Variants in VPS26B observed in about 807,000 individuals in gnomAD.
The protein encoded by VPS26B is VPS26 retromer complex component B, also known as vacuolar protein sorting-associated protein 26B.
A neutral mutation model predicts 33.3 loss-of-function variants in VPS26B; 10 were observed. The ratio of observed to expected loss-of-function variants is 0.30; its 90% CI spans 0.19 to 0.51. VPS26B has a LOEUF of 0.51. Ranked by LOEUF, VPS26B falls within the 20% of genes least tolerant of loss-of-function variation. VPS26B has a pLI of 0.98. For synonymous variants in VPS26B, 190 were observed against 176.9 expected, an observed-to-expected ratio of 1.07 and a Z score of -0.59; for missense variants, 317 against 452.7, an observed-to-expected ratio of 0.70 and a Z score of 2.72.
At chr11:134,239,955 G>A in intron 2 of VPS26B, 36 bp from the exon 3 acceptor site, 1 of 1,613,430 alleles carries the variant, frequency 6.2e-7, no homozygotes, top group Non-Finnish European at 8.5e-7. Context: ...TCTGGAGACT[G>A]GGAGTGTTTA....
chr11:134,238,582 T>G (rs1328527969), intron 2 of VPS26B, among the ~76,000 whole-genome samples: 2 of 152,082 alleles, frequency 1.3e-5, no homozygotes, highest in African/African-American at 2.4e-5. Context: ...CTTTATGTAT[T>G]TATTTATTTA....
Position 134,245,035 on chromosome 11 carries a change from C to T in VPS26B, c.819C>T (p.Asn273=). The T allele has an allele frequency of 1.2e-6, 2 of 1,614,184 alleles. No individual in the cohort carries two copies. The highest frequency in any genetic ancestry group is 1.7e-6 in the Non-Finnish European group (2 of 1,180,044). ...AGTTCTCTGTGCGCTATTACCTCAA[C>T]CTGGTGCTGATAGACGAGGAGGAGC... ...NKKFSVRYYL[N]LVLIDEEERR... Residue 273 remains asparagine (N), a synonymous_variant, in exon 5 of 6, where the codon AAC becomes AAT. Transcript: ENST00000281187. The surrounding 1 kb of genome is among the most constrained non-coding windows in gnomAD (Gnocchi z 4.7).
chr11:134,243,008 TG>T, intron 3 of VPS26B, 110 bp from the exon 4 acceptor site: 1 of 1,066,322 alleles, frequency 9.4e-7, no homozygotes, highest in Non-Finnish European at 1.4e-6. Context: ...GAGTGTGTCC[TG>T]CAACTGGACG....
chr11:134,240,878 G>A lies in VPS26B; in HGVS notation c.545+723G>A, dbSNP rs1003364225. 2.0e-5 allele frequency among the ~76,000 whole-genome samples: 3 copies of A among 151,366 alleles called. No homozygotes were observed. The highest frequency in any genetic ancestry group is 6.6e-5 in the Admixed American group (1 of 15,166). On this transcript the variant is annotated intron_variant, in intron 3 of 5. Transcript: ENST00000281187. The surrounding 1 kb of genome is among the most constrained non-coding windows in gnomAD (Gnocchi z 4.4). ...AGGCTGGTCTTGAACTACTGAGCTC[G>A]TGATCTGCCTGCCTTGGCTTCCCAC... is the stretch of plus-strand genomic sequence containing the variant.
intron 4 of VPS26B, 169 bp downstream of exon 4, chr11:134,243,463 G>T (rs75614673): frequency 1.4e-4 from 111 of 785,980 alleles, no homozygotes; most frequent in Admixed American, 4.1e-4. Flanking sequence ...GAAAAGGAAG[G>T]CTGAGTGTGT....
At chr11:134,234,191 T>C (rs1011702733) in intron 1 of VPS26B, among the ~76,000 whole-genome samples, 1 of 152,364 alleles carries the variant, frequency 6.6e-6, no homozygotes, top group Admixed American at 6.5e-5. Context: ...CCATGTTCGA[T>C]TGGCCACATG....
In VPS26B at chr11:134,225,074, C is replaced by T. The variant is rs1047491730; in HGVS notation, c.-49C>T. On this transcript the variant is annotated 5_prime_UTR_variant, in exon 1 of 6. Transcript: ENST00000281187. Reference sequence around the variant, plus strand: ...TCTTTACCTAGGGCAGCCCGCGCCCCGGTGCGAGGGAGCGGTCCTTACCGA... The same window carrying T: ...TCTTTACCTAGGGCAGCCCGCGCCCTGGTGCGAGGGAGCGGTCCTTACCGA... 6 of 1,529,098 alleles carry T rather than the reference C, an allele frequency of 3.9e-6. No individual in the cohort carries two copies. Among genetic ancestry groups the T allele is most frequent in the African/African-American group, 1.4e-5 (1 of 72,990 alleles). 94.7% of individuals were successfully genotyped at this position (1,529,098 alleles called of 1,614,324 possible).
In VPS26B at chr11:134,245,055, A is replaced by G; in HGVS notation, c.839A>G (p.Glu280Gly). 1 of 1,614,140 alleles carries G rather than the reference A, an allele frequency of 6.2e-7. No individual in the cohort carries two copies. The highest frequency in any genetic ancestry group is 8.5e-7 in the Non-Finnish European group (1 of 1,180,036). ...YYLNLVLIDE[E>G]ERRYFKQQEV... ...CTCAACCTGGTGCTGATAGACGAGG[A>G]GGAGCGGCGCTACTTCAAGCAGCAG... is the stretch of plus-strand genomic sequence containing the variant. Residue 280 changes from glutamate to glycine, a missense_variant, in exon 5 of 6, where the codon GAG becomes GGG. Coordinates refer to ENST00000281187, the MANE Select transcript of VPS26B (RefSeq NM_052875.5). This position sits in a 1 kb window ranked among gnomAD's most constrained non-coding sequence, Gnocchi z 4.7.
In VPS26B at chr11:134,243,198, A is replaced by G. The variant is rs1248193556; in HGVS notation, c.625A>G (p.Ile209Val). The G allele has an allele frequency of 6.2e-7, 1 of 1,614,216 alleles. No individual in the cohort carries two copies. Among genetic ancestry groups the G allele is most frequent in the Admixed American group, 1.7e-5 (1 of 60,038 alleles). ...RIKIKHMEID[I>V]IKRETTGTGP... is the part of the protein sequence containing the mutation. ...CAAAATCAAGCACATGGAGATAGAC[A>G]TCATCAAGCGAGAAACGACGGGTAC... Residue 209 changes from isoleucine (I) to valine (V), a missense_variant, in exon 4 of 6, where the codon ATC becomes GTC. Physicochemically the swap from Ile to Val is conservative, Grantham distance 29. Coordinates refer to ENST00000281187, the MANE Select transcript of VPS26B (RefSeq NM_052875.5).
In VPS26B at chr11:134,225,023, C is replaced by T. The variant is rs1244542805; in HGVS notation, c.-100C>T. On this transcript the variant is annotated 5_prime_UTR_variant, in exon 1 of 6. Transcript: ENST00000281187. ...CAGGCAGCCCCGCGGCGGCCGAGCG[C>T]GCTCGCGCATCGGGCCCTCTGGCCT... 1.7e-6 allele frequency: 2 copies of T among 1,163,754 alleles called. No individual in the cohort carries two copies. The highest frequency in any genetic ancestry group is 2.2e-6 in the Non-Finnish European group (2 of 891,954). The allele number at this position is 1,163,754 out of a possible 1,614,324, so 72.1% of individuals were successfully genotyped here.
chr11:134,230,661 A>T (rs1213346430), intron 1 of VPS26B, among the ~76,000 whole-genome samples: 1 of 152,230 alleles, frequency 6.6e-6, no homozygotes, highest in Non-Finnish European at 1.5e-5. Context: ...TTCTGTGCCA[A>T]GTTGAAACTG....
intron 1 of VPS26B, 122 bp downstream of exon 1, chr11:134,225,467 C>T (rs760523090): frequency 3.0e-5 from 30 of 998,108 alleles, no homozygotes; most frequent in Non-Finnish European, 4.3e-5. Flanking sequence ...AGTCTGAGGC[C>T]TGGGGTTCAG....
chr11:134,244,063 G>A lies in VPS26B; in HGVS notation c.721+769G>A, dbSNP rs1394030130. ...AGCGCCACAGATTTAGCTGCCTGCA[G>A]CTCTGGGGACACGCGGGTGTTACCA... is the stretch of plus-strand genomic sequence containing the variant. On this transcript the variant is annotated intron_variant, in intron 4 of 5. Coordinates refer to ENST00000281187, the MANE Select transcript of VPS26B (RefSeq NM_052875.5). This position sits in a 1 kb window ranked among gnomAD's most constrained non-coding sequence, Gnocchi z 4.0. 2 of 152,220 alleles carry A rather than the reference G, an allele frequency of 1.3e-5. No individual in the cohort carries two copies. Among genetic ancestry groups the A allele is most frequent in the African/African-American group, 4.8e-5 (2 of 41,448 alleles). 9.4% of individuals were successfully genotyped at this position (152,220 alleles called of 1,614,324 possible).
At chr11:134,243,981 C>T (rs1355817125) in intron 4 of VPS26B, 1 of 152,162 alleles carries the variant, frequency 6.6e-6, no homozygotes, top group African/African-American at 2.4e-5. Context: ...ATGGTGCTTC[C>T]AGGGTTTTAT....
chr11:134,225,505 C>T, intron 1 of VPS26B, 160 bp downstream of exon 1: 1 of 726,544 alleles, frequency 1.4e-6, no homozygotes, highest in South Asian at 1.6e-5. Flanking sequence ...GGGCGACTCC[C>T]CCTGCGTTAC....
intron 3 of VPS26B, among the ~76,000 whole-genome samples, chr11:134,242,196 T>G (rs770253812): frequency 1.3e-5 from 2 of 152,176 alleles, no homozygotes; most frequent in Non-Finnish European, 2.9e-5. Context: ...TTTGCAAATT[T>G]GCTGAGGCTG....
intron 1 of VPS26B, 86 bp from the exon 2 acceptor site, chr11:134,234,811 C>A (rs532236721): frequency 6.5e-7 from 1 of 1,530,186 alleles, no homozygotes; most frequent in South Asian, 1.3e-5. Context: ...AGCAGTCCCT[C>A]CAGCCTACAG....
chr11:134,243,260 C>T lies in VPS26B; in HGVS notation c.687C>T (p.Ala229=). ...PNVYHENDTI[A]KYEIMDGAPV... is the part of the protein sequence containing the mutation. ...TGTACCATGAGAATGACACGATAGC[C>T]AAGTACGAGATCATGGACGGGGCAC... is the stretch of plus-strand genomic sequence containing the variant. Residue 229 remains alanine, a synonymous_variant, in exon 4 of 6, where the codon GCC becomes GCT. Coordinates refer to ENST00000281187, the MANE Select transcript of VPS26B (RefSeq NM_052875.5). 2 of 1,614,102 alleles carry T rather than the reference C, an allele frequency of 1.2e-6. No individual in the cohort carries two copies. The highest frequency in any genetic ancestry group is 1.7e-6 in the Non-Finnish European group (2 of 1,179,976).
chr11:134,226,844 A>G (rs968476355), intron 1 of VPS26B, among the ~76,000 whole-genome samples: 1 of 152,196 alleles, frequency 6.6e-6, no homozygotes, highest in Non-Finnish European at 1.5e-5. Context: ...CTCAGCCTCA[A>G]GCATTTTGCC....
Sources: gnomAD v4.1 joint callset for allele counts (sites outside exome capture counted in the v4.1 genomes callset) on GRCh38, gnomAD v4.1.1 for gene constraint, Gnocchi (gnomAD v3.1) non-coding constraint, MANE v1.5 for transcripts, NCBI Gene and HGNC (gene_info 2026-07-23, HGNC 2026-07-21) for gene names.